RAB11FIP1: variants seen among roughly 807,000 people sequenced by gnomAD.
RAB11FIP1 encodes the protein RAB11 family interacting protein 1, also known as rab11 family-interacting protein 1.
A neutral mutation model predicts 83.1 loss-of-function variants in RAB11FIP1; 49 were observed. The ratio of observed to expected loss-of-function variants is 0.59; its 90% CI spans 0.47 to 0.75. The LOEUF is 0.75. Among genes scored for constraint, RAB11FIP1 ranks in the 30% least tolerant of loss-of-function variants. The pLI, the probability that RAB11FIP1 is intolerant of heterozygous loss-of-function variation, is 0.00. For missense variants in RAB11FIP1, 1,536 were observed against 1,598.7 expected (o/e 0.96, Z 0.67); for synonymous variants, 670 against 656.0 (o/e 1.02, Z -0.33).
chr8:37,876,305 G>C (rs977031305), intron 2 of RAB11FIP1, among the ~76,000 whole-genome samples: 1 of 151,798 alleles, frequency 6.6e-6, no homozygotes, highest in Non-Finnish European at 1.5e-5. Context: ...AATAGAGAGG[G>C]CATCTCAGCC....
intron 1 of RAB11FIP1, among the ~76,000 whole-genome samples, chr8:37,894,223 T>C (rs1461237965): frequency 1.3e-5 from 2 of 152,230 alleles, no homozygotes; most frequent in African/African-American, 4.8e-5. Flanking sequence ...TTAGGAAACC[T>C]AAAGGTATAA....
chr8:37,863,258 CTTTT>C (rs869028344), intron 5 of RAB11FIP1, 145 bp from the exon 6 acceptor site: 25 of 436,984 alleles, frequency 5.7e-5, no homozygotes, highest in Non-Finnish European at 7.6e-5. Flanking sequence ...TTCTTTCTTT[CTTTT>C]TGAGACTGAG....
intron 1 of RAB11FIP1, among the ~76,000 whole-genome samples, chr8:37,884,271 G>A: frequency 6.6e-6 from 1 of 152,018 alleles, no homozygotes; most frequent in Non-Finnish European, 1.5e-5. Context: ...CACCATCTTG[G>A]CCAGGCTGGT....
chr8:37,879,609 G>T (rs186511073), intron 1 of RAB11FIP1, among the ~76,000 whole-genome samples: 1 of 151,784 alleles, frequency 6.6e-6, no homozygotes, highest in Non-Finnish European at 1.5e-5. Flanking sequence ...GGGGCCAGGC[G>T]CAGTGGCTCA....
intron 1 of RAB11FIP1, among the ~76,000 whole-genome samples, chr8:37,884,180 T>G (rs1563372914): frequency 6.6e-6 from 1 of 151,502 alleles, no homozygotes; most frequent in East Asian, 1.9e-4. Flanking sequence ...TTCTCCTCCC[T>G]CAGCCTCCCG....
chr8:37,864,643 A>T (rs1806306309), intron 5 of RAB11FIP1, among the ~76,000 whole-genome samples: 1 of 152,212 alleles, frequency 6.6e-6, no homozygotes. Flanking sequence ...AAGCAAGATG[A>T]TGGCGGTACT....
chr8:37,865,323 T>TC (rs1439301462), intron 5 of RAB11FIP1, among the ~76,000 whole-genome samples: 1 of 150,706 alleles, frequency 6.6e-6, no homozygotes, highest in Non-Finnish European at 1.5e-5. Flanking sequence ...TTCTTTTTTT[T>TC]TTTTTTCTTT....
chr8:37,884,391 C>G (rs1375756945), intron 1 of RAB11FIP1, among the ~76,000 whole-genome samples: 1 of 151,910 alleles, frequency 6.6e-6, no homozygotes, highest in Non-Finnish European at 1.5e-5. Flanking sequence ...ACTATATACA[C>G]ACACATATAT....
intron 1 of RAB11FIP1, among the ~76,000 whole-genome samples, chr8:37,894,701 CATATATATACAT>C (rs1554533293): frequency 8.6e-4 from 124 of 144,304 alleles, no homozygotes; most frequent in Middle Eastern, 3.6e-3. Context: ...TACATAAATA[CATATATATACAT>C]ATATATATAC....
intron 5 of RAB11FIP1, among the ~76,000 whole-genome samples, chr8:37,863,817 T>C (rs1371259904): frequency 6.6e-6 from 1 of 152,164 alleles, no homozygotes; most frequent in Non-Finnish European, 1.5e-5. Context: ...GAGGACTCAG[T>C]TCTCCAAATG....
At chr8:37,871,137 G>A (rs767834414) in intron 4 of RAB11FIP1, 141 bp downstream of exon 4, 21 of 1,113,676 alleles carry the variant, frequency 1.9e-5, no homozygotes, top group Non-Finnish European at 2.6e-5. Context: ...ACCACCACAA[G>A]GGGCAGCCCT....
intron 1 of RAB11FIP1, among the ~76,000 whole-genome samples, chr8:37,884,706 G>A (rs1030610709): frequency 6.6e-6 from 1 of 151,314 alleles, no homozygotes; most frequent in Non-Finnish European, 1.5e-5. Flanking sequence ...ATACCATCAT[G>A]CCCAGCTAAT....
At chr8:37,882,444 C>T (rs1214244758) in intron 1 of RAB11FIP1, among the ~76,000 whole-genome samples, 1 of 152,172 alleles carries the variant, frequency 6.6e-6, no homozygotes, top group Non-Finnish European at 1.5e-5. Context: ...TATTGATTCT[C>T]ACAAAATATA....
intron 5 of RAB11FIP1, among the ~76,000 whole-genome samples, chr8:37,866,925 G>A (rs1806352766): frequency 6.6e-6 from 1 of 152,120 alleles, no homozygotes; most frequent in Admixed American, 6.6e-5. Flanking sequence ...ATGTGTTGCA[G>A]GCAGGCAGCG....
In RAB11FIP1 at chr8:37,868,460, G is replaced by A. The variant is rs114785861; in HGVS notation, c.3633+1960C>T. Among the ~76,000 whole-genome samples the A allele has an allele frequency of 2.1e-3, 311 of 151,694 alleles. 4 individuals are homozygous for A. The highest frequency in any genetic ancestry group is 7.0e-3 in the African/African-American group (288 of 41,404). On this transcript the variant is annotated intron_variant, in intron 5 of 5. Transcript: ENST00000330843. Reference sequence around the variant, plus strand: ...AAAGAAAAAAAACTATTCAATATCCGGAGTCCATGGGACTGTAAAATATAT... The same window carrying A: ...AAAGAAAAAAAACTATTCAATATCCAGAGTCCATGGGACTGTAAAATATAT...
intron 1 of RAB11FIP1, among the ~76,000 whole-genome samples, chr8:37,898,604 G>C (rs1440473504): frequency 4.0e-5 from 6 of 148,482 alleles, no homozygotes; most frequent in Non-Finnish European, 8.9e-5. Flanking sequence ...AGTGAGCCGA[G>C]ATCGTGCCAC....
At chr8:37,868,363 G>A (rs889953468) in intron 5 of RAB11FIP1, among the ~76,000 whole-genome samples, 1 of 151,164 alleles carries the variant, frequency 6.6e-6, no homozygotes, top group Non-Finnish European at 1.5e-5. Context: ...TGGAGGTTGC[G>A]GTGAGCCAAG....
chr8:37,872,722 G>A lies in RAB11FIP1; in HGVS notation c.2080C>T (p.Pro694Ser), dbSNP rs764302864. Residue 694 changes from proline to serine, a missense_variant, in exon 4 of 6, where the codon CCA (proline) becomes TCA (serine). Transcript: ENST00000330843. ...TGTCGCCCTGTTTCAGGCTGCTCTG[G>A]GAGAGACTCCTCCAACTCAAGGCTG... ...TSSLELEESLPEQPETGRQEE... is the reference protein window; with the variant it reads ...TSSLELEESLSEQPETGRQEE... The A allele has an allele frequency of 1.5e-5, 25 of 1,614,030 alleles. No homozygotes were observed. Among genetic ancestry groups the A allele is most frequent in the Non-Finnish European group, 2.1e-5 (25 of 1,180,028 alleles).
intron 1 of RAB11FIP1, among the ~76,000 whole-genome samples, chr8:37,893,399 G>A (rs1806990265): frequency 6.6e-6 from 1 of 152,130 alleles, no homozygotes; most frequent in South Asian, 2.1e-4. Context: ...TGGGCTTCCT[G>A]AAAGCAGGGA....
Sources: allele counts gnomAD v4.1 joint callset (sites outside exome capture counted in the v4.1 genomes callset), GRCh38; gene constraint gnomAD v4.1.1; transcripts MANE v1.5; gene names NCBI Gene and HGNC (gene_info 2026-07-23, HGNC 2026-07-21).